The following GTF2F2 variants were observed in gnomAD, a reference collection of about 807,000 sequenced individuals.
The protein encoded by GTF2F2 is ATP-dependent helicase GTF2F2.
In GTF2F2, 23 loss-of-function variants were observed where a neutral mutation model predicts 42.2. The ratio of observed to expected loss-of-function variants is 0.55; its 90% CI spans 0.39 to 0.77. The LOEUF is 0.77. Ranked by LOEUF, GTF2F2 falls within the 30% of genes least tolerant of loss-of-function variation. The probability of loss-of-function intolerance (pLI) is 0.00; values close to 1 mark genes in which losing one functional copy is unlikely to be tolerated. For missense variants in GTF2F2, 261 were observed against 287.2 expected (o/e 0.91, Z 0.66); for synonymous variants, 105 against 100.8 (o/e 1.04, Z -0.25).
chr13:45,274,754 G>A (rs576714882), intron 7 of GTF2F2, among the ~76,000 whole-genome samples: 4 of 152,048 alleles, frequency 2.6e-5, no homozygotes, highest in African/African-American at 9.6e-5. Flanking sequence ...CCAGCCCTGG[G>A]CAACATGGCA....
chr13:45,259,537 G>A lies in GTF2F2; in HGVS notation c.486+6567G>A, dbSNP rs1302316137. Among the ~76,000 whole-genome samples, 3 of 151,806 alleles carry A rather than the reference G, an allele frequency of 2.0e-5. No homozygotes were observed. The East Asian group carries it at 5.8e-4, about 29-fold the overall frequency. ...GCTTCTTGGGTAATTCTAGTATGCA[G>A]CCACTGAACCAAAGAGATGAGAACT... On this transcript the variant is annotated intron_variant, in intron 6 of 7. Coordinates refer to ENST00000340473, the MANE Select transcript of GTF2F2 (RefSeq NM_004128.3).
chr13:45,187,205 C>T (rs1203583780), intron 4 of GTF2F2, among the ~76,000 whole-genome samples: 2 of 151,940 alleles, frequency 1.3e-5, no homozygotes, highest in African/African-American at 4.8e-5. Context: ...GCCTGGGCAA[C>T]AAAGTGAGAC....
rs1369060336 is a variant in GTF2F2 at position 45,127,966 on chromosome 13, T to C, written c.66+7245T>C. ...TTTTTTTTTTTTTTTTTTTTTTTTT[T>C]TTTCTTTTTTTTTGAGACGGGTCTT... On this transcript the variant is annotated intron_variant, in intron 1 of 7. Coordinates refer to ENST00000340473, the MANE Select transcript of GTF2F2 (RefSeq NM_004128.3). Among the ~76,000 whole-genome samples, 662 of 123,646 alleles carry C rather than the reference T, an allele frequency of 5.4e-3. 5 individuals carry two copies. The highest frequency in any genetic ancestry group is 0.02 in the African/African-American group (630 of 31,462). 81.1% of individuals were successfully genotyped at this position (123,646 alleles called of 152,430 possible). A position where few individuals can be genotyped will look rare whatever the true frequency, so the allele number is the denominator to read the frequency against.
At position 45,253,126 on chromosome 13, in the gene GTF2F2, A is replaced by G. The variant is rs554342289; in HGVS notation, c.486+156A>G. The stretch of plus-strand genomic sequence containing the variant: ...TCTGGACTTAGTAAGGAATATGACA[A>G]TTTGCTAAAAGTACAGAAAAGATGT... On this transcript the variant is annotated intron_variant, in intron 6 of 7. Transcript: ENST00000340473. 3.0e-4 allele frequency among the ~76,000 whole-genome samples: 45 copies of G among 151,980 alleles called. No individual in the cohort carries two copies. In the South Asian group the frequency reaches 8.5e-3, roughly 29 times the overall value.
rs1868591796 is a variant in GTF2F2, at chr13:45,120,833, T to C, written c.66+112T>C. 5.4e-6 allele frequency: 4 copies of C among 736,648 alleles called. No individual in the cohort carries two copies. The South Asian group carries it at 6.5e-5, about 12-fold the overall frequency. 45.6% of individuals were successfully genotyped at this position (736,648 alleles called of 1,614,324 possible). A position where few individuals can be genotyped will look rare whatever the true frequency, so the allele number is the denominator to read the frequency against. ...TAAAGTTCTTTTACGGCTATCTCGT[T>C]AGAGCTTCACACATTTTGAGAGGCA... On this transcript the variant is annotated intron_variant, in intron 1 of 7. Coordinates refer to ENST00000340473, the MANE Select transcript of GTF2F2 (RefSeq NM_004128.3).
intron 5 of GTF2F2, among the ~76,000 whole-genome samples, chr13:45,222,890 T>G (rs558252898): frequency 6.6e-6 from 1 of 152,326 alleles, no homozygotes; most frequent in Non-Finnish European, 1.5e-5. Flanking sequence ...GCACGGTGGC[T>G]CACGCCTATA....
intron 4 of GTF2F2, among the ~76,000 whole-genome samples, chr13:45,172,122 T>G (rs1365108235): frequency 6.6e-6 from 1 of 152,082 alleles, no homozygotes; most frequent in East Asian, 1.9e-4. Context: ...TACCTAGGAG[T>G]GGAATGTAGT....
At chr13:45,167,678 C>T (rs1483905498) in intron 4 of GTF2F2, among the ~76,000 whole-genome samples, 2 of 152,014 alleles carry the variant, frequency 1.3e-5, no homozygotes, top group African/African-American at 4.8e-5. Flanking sequence ...GGATTACAGG[C>T]GTGAGCCACC....
intron 7 of GTF2F2, among the ~76,000 whole-genome samples, 168 bp downstream of exon 7, chr13:45,267,544 C>A (rs892163445): frequency 3.3e-5 from 5 of 152,118 alleles, no homozygotes; most frequent in African/African-American, 1.2e-4. Context: ...GTAACATCAG[C>A]TTTTATTTTA....
intron 5 of GTF2F2, among the ~76,000 whole-genome samples, chr13:45,231,093 TA>T (rs1874655125): frequency 6.6e-6 from 1 of 151,504 alleles, no homozygotes; most frequent in African/African-American, 2.4e-5. Context: ...TCTATTTATT[TA>T]TTTTTTTATT....
At chr13:45,148,062 T>C (rs528325277) in intron 2 of GTF2F2, among the ~76,000 whole-genome samples, 1 of 152,222 alleles carries the variant, frequency 6.6e-6, no homozygotes, top group Non-Finnish European at 1.5e-5. Context: ...TACTGTACCA[T>C]GTACGTAGCA....
chr13:45,146,809 C>T (rs1406081434), intron 2 of GTF2F2, among the ~76,000 whole-genome samples: 1 of 152,126 alleles, frequency 6.6e-6, no homozygotes, highest in African/African-American at 2.4e-5. Flanking sequence ...ATGTTTACTT[C>T]ATTAATTTCT....
intron 5 of GTF2F2, among the ~76,000 whole-genome samples, chr13:45,214,593 C>T (rs918962514): frequency 4.6e-5 from 7 of 152,110 alleles, no homozygotes; most frequent in Non-Finnish European, 8.8e-5. Context: ...TTTTCTTTAT[C>T]TGACATTAGT....
chr13:45,190,834 T>A (rs1394785769), intron 4 of GTF2F2, among the ~76,000 whole-genome samples: 1 of 151,516 alleles, frequency 6.6e-6, no homozygotes, highest in Non-Finnish European at 1.5e-5. Context: ...TCACCACAAC[T>A]TCCACCTCTC....
intron 5 of GTF2F2, among the ~76,000 whole-genome samples, chr13:45,251,595 A>C (rs1229166384): frequency 1.3e-5 from 2 of 152,122 alleles, no homozygotes; most frequent in Non-Finnish European, 1.5e-5. Flanking sequence ...CATTTAAAAA[A>C]ACTGCCTTTT....
chr13:45,138,275 G>A (rs1869738413), intron 2 of GTF2F2, among the ~76,000 whole-genome samples: 1 of 152,074 alleles, frequency 6.6e-6, no homozygotes, highest in Non-Finnish European at 1.5e-5. Flanking sequence ...ATGGCTTTAA[G>A]TACCAGGTGG....
In GTF2F2 at chr13:45,137,164, A is replaced by T. The variant is rs147703119; in HGVS notation, c.140+358A>T. Among the ~76,000 whole-genome samples the T allele has an allele frequency of 3.9e-5, 6 of 152,338 alleles. No homozygotes were observed. The East Asian group carries it at 1.2e-3, about 29-fold the overall frequency. On this transcript the variant is annotated intron_variant, in intron 2 of 7. Coordinates refer to ENST00000340473, the MANE Select transcript of GTF2F2 (RefSeq NM_004128.3). ...TATAACTGGATGCACCAAGGAAAGT[A>T]CTTGCAGCAGGACTTTGCCACTGTA...
intron 4 of GTF2F2, among the ~76,000 whole-genome samples, chr13:45,156,108 T>C (rs1870745072): frequency 6.6e-6 from 1 of 152,152 alleles, no homozygotes; most frequent in African/African-American, 2.4e-5. Context: ...CTCTTAGATA[T>C]TATTATTTAT....
intron 6 of GTF2F2, among the ~76,000 whole-genome samples, chr13:45,264,213 A>C (rs552266821): frequency 3.3e-5 from 5 of 152,162 alleles, no homozygotes; most frequent in African/African-American, 1.2e-4. Flanking sequence ...CACCAACATT[A>C]ACTTCAATTT....
Sources: allele counts gnomAD v4.1 joint callset (sites outside exome capture counted in the v4.1 genomes callset), GRCh38; gene constraint gnomAD v4.1.1; transcripts MANE v1.5; gene names NCBI Gene and HGNC (gene_info 2026-07-23, HGNC 2026-07-21).